The following PLAT variants were observed in gnomAD, a reference collection of about 807,000 sequenced individuals.
The protein encoded by PLAT is plasminogen activator, tissue type, also known as tissue-type plasminogen activator.
Under a neutral mutation model 74.9 loss-of-function variants are expected in PLAT, and 48 were observed. The ratio of observed to expected loss-of-function variants is 0.64; its 90% confidence interval spans 0.51 to 0.82. The LOEUF (loss-of-function observed/expected upper bound fraction) is 0.82, where lower values mean the gene tolerates loss of function less well. PLAT is among the 40% of genes least tolerant of loss of function. The pLI, the probability that PLAT is intolerant of heterozygous loss-of-function variation, is 0.00. For synonymous variants in PLAT, 307 were observed against 294.4 expected (o/e 1.04, Z -0.44); for missense variants, 673 against 736.2 (o/e 0.91, Z 0.99).
At position 42,189,014 on chromosome 8, in the gene PLAT, C is replaced by T. The variant is rs1805590323; in HGVS notation, c.173G>A (p.Arg58His). 6 of 1,613,992 alleles carry T rather than the reference C, an allele frequency of 3.7e-6. No individual in the cohort carries two copies. The highest frequency in any genetic ancestry group is 2.2e-5 in the South Asian group (2 of 91,088). Residue 58 changes from arginine (R) to histidine (H), a missense_variant, in exon 4 of 14, where the codon CGC (arginine) becomes CAC (histidine). Transcript: ENST00000220809. ...CACCCGGTTGCTTCTGAGCACAGGG[C>T]GCAGCCATGACTGATGTTGCTGGTA... is the stretch of plus-strand genomic sequence containing the variant. ...MIYQQHQSWL[R>H]PVLRSNRVEY...
At chr8:42,188,807 G>C in intron 4 of PLAT, 127 bp downstream of exon 4, 2 of 737,604 alleles carry the variant, frequency 2.7e-6, no homozygotes, top group Non-Finnish European at 4.5e-6. Context: ...ATTTTTTGTA[G>C]AGACAGGGGA....
At chr8:42,176,198 T>C (rs943997853) in intron 13 of PLAT, 47 bp from the exon 14 acceptor site, 5 of 1,517,680 alleles carry the variant, frequency 3.3e-6, no homozygotes, top group Non-Finnish European at 4.5e-6. Flanking sequence ...AAGCAGACTA[T>C]CTGGAGAAAG....
chr8:42,181,563 G>A (rs539580135), intron 9 of PLAT, among the ~76,000 whole-genome samples: 3 of 152,276 alleles, frequency 2.0e-5, no homozygotes, highest in South Asian at 2.1e-4. Context: ...CCTCCACCAC[G>A]CTGTTGGACA....
Position 42,191,379 on chromosome 8 carries a change from A to G in PLAT, c.108T>C (p.Ser36=), listed in dbSNP as rs751555853. Reference sequence around the variant, plus strand: ...CCCTCAGCTTCACCCGACCTTGGTAAGATCTGGCTCCTCTTCTGAATCGGG... The same window carrying G: ...CCCTCAGCTTCACCCGACCTTGGTAGGATCTGGCTCCTCTTCTGAATCGGG... ...IHARFRRGAR[S]YQVICRDEKT... The change falls in exon 3 of 14, where the codon TCT becomes TCC. Residue 36 remains serine (S), a synonymous_variant. Coordinates refer to ENST00000220809, the MANE Select transcript of PLAT (RefSeq NM_000930.5). 23 of 1,614,120 alleles carry G rather than the reference A, an allele frequency of 1.4e-5. No homozygotes were observed. The highest frequency in any genetic ancestry group is 1.9e-5 in the Non-Finnish European group (23 of 1,179,970).
At chr8:42,187,811 CT>C (rs1024532639) in intron 5 of PLAT, 94 bp downstream of exon 5, 1 of 927,958 alleles carries the variant, frequency 1.1e-6, no homozygotes, top group African/African-American at 1.6e-5. Flanking sequence ...GCCCCCACCC[CT>C]GGCCCTGCCA....
chr8:42,183,513 C>T (rs969723951), intron 7 of PLAT, among the ~76,000 whole-genome samples: 1 of 152,032 alleles, frequency 6.6e-6, no homozygotes, highest in South Asian at 2.1e-4. Context: ...TAACAGGCTG[C>T]AGTGAACCAA....
Position 42,176,493 on chromosome 8 carries a change from C to G in PLAT, c.1531-342G>C, listed in dbSNP as rs8178803. ...GGTGGCGTCTGTCCAGGGCTGGTCC[C>G]GCCTGGCGCCCTGAGCTGCCAGGTG... On this transcript the variant is annotated intron_variant, in intron 13 of 13. Transcript: ENST00000220809. 4.6e-5 allele frequency among the ~76,000 whole-genome samples: 7 copies of G among 152,312 alleles called. No homozygotes were observed. In the East Asian group the frequency reaches 1.3e-3, roughly 29 times the overall value.
intron 1 of PLAT, among the ~76,000 whole-genome samples, chr8:42,195,261 C>T (rs547184478): frequency 2.6e-5 from 4 of 152,128 alleles, no homozygotes; most frequent in African/African-American, 4.8e-5. Context: ...CTCCTTGCCT[C>T]GCTACATTTC....
In PLAT at chr8:42,193,487, C is replaced by T. The variant is rs13306825; in HGVS notation, c.-26-276G>A. 3.4e-4 allele frequency: 98 copies of T among 292,300 alleles called. 3 individuals are homozygous for T. In the East Asian group the frequency reaches 5.9e-3, roughly 17 times the overall value. 18.1% of individuals were successfully genotyped at this position (292,300 alleles called of 1,614,324 possible). On this transcript the variant is annotated intron_variant, in intron 1 of 13. Coordinates refer to ENST00000220809, the MANE Select transcript of PLAT (RefSeq NM_000930.5). ...TTGCTGTGCGGCCGGCCGTCACCAC[C>T]GCCCATCTCCAGAACTTCTCCATCA...
At chr8:42,182,561 T>C in intron 8 of PLAT, 158 bp downstream of exon 8, 1 of 581,472 alleles carries the variant, frequency 1.7e-6, no homozygotes, top group Non-Finnish European at 3.0e-6. Flanking sequence ...ACAATATGTG[T>C]TATTCTAGCA....
intron 13 of PLAT, among the ~76,000 whole-genome samples, chr8:42,178,277 T>C (rs1341174772): frequency 6.7e-6 from 1 of 149,594 alleles, no homozygotes; most frequent in Non-Finnish European, 1.5e-5. Context: ...TTTTTTTTTT[T>C]TTTTTTTTTT....
rs563104593 is a variant in PLAT, at chr8:42,191,489, A to G, written c.73-75T>C. 3.6e-6 allele frequency: 5 copies of G among 1,401,814 alleles called. No homozygotes were observed. In the Admixed American group the frequency reaches 5.1e-5, roughly 14 times the overall value. 86.8% of individuals were successfully genotyped at this position (1,401,814 alleles called of 1,614,324 possible). On this transcript the variant is annotated intron_variant, in intron 2 of 13. Transcript: ENST00000220809. ...TAAGAGTAAAGGCGGCCAACCCAGAAGCCCATGTGAACCTGCCGGCCAGAT... is the reference window on the plus strand; with the variant it reads ...TAAGAGTAAAGGCGGCCAACCCAGAGGCCCATGTGAACCTGCCGGCCAGAT...
Position 42,187,408 on chromosome 8 carries a change from T to C in PLAT, c.529A>G (p.Asn177Asp), listed in dbSNP as rs779576157. ...DAIRLGLGNH[N>D]YCRNPDRDSK... ...GGGATGTGCCCTCACCTGCAGTAGT[T>C]GTGGTTCCCCAGGCCCAGCCTGATG... The change falls in exon 6 of 14, where the codon AAC becomes GAC. Residue 177 changes from asparagine to aspartate, a missense_variant. Transcript: ENST00000220809. 6 of 1,583,794 alleles carry C rather than the reference T, an allele frequency of 3.8e-6. No individual in the cohort carries two copies. Among genetic ancestry groups the C allele is most frequent in the Non-Finnish European group, 5.1e-6 (6 of 1,167,794 alleles).
At chr8:42,178,264 CTTTTTTTTTTTTTTT>C (rs5891180) in intron 13 of PLAT, among the ~76,000 whole-genome samples, 1 of 110,072 alleles carries the variant, frequency 9.1e-6, no homozygotes, top group African/African-American at 3.7e-5. Context: ...ACATTTCTTT[CTTTTTTTTTTTTTTT>C]TTTTTTTTGA....
chr8:42,179,626 G>A (rs1805128976), intron 12 of PLAT, among the ~76,000 whole-genome samples: 1 of 152,196 alleles, frequency 6.6e-6, no homozygotes, highest in Non-Finnish European at 1.5e-5. Flanking sequence ...TCGGGTCTTT[G>A]TAACTCCAGC....
At chr8:42,193,029 C>G (rs1273122493) in intron 2 of PLAT, 85 bp downstream of exon 2, 2 of 923,640 alleles carry the variant, frequency 2.2e-6, no homozygotes, top group East Asian at 4.8e-5. Flanking sequence ...TTCCAACCTC[C>G]GTGGCCCAGA....
chr8:42,182,190 C>G, intron 8 of PLAT, 168 bp from the exon 9 acceptor site: 1 of 518,824 alleles, frequency 1.9e-6, no homozygotes, highest in Non-Finnish European at 3.5e-6. Flanking sequence ...CACCACCACA[C>G]CAGGCCAGGA....
At chr8:42,177,953 G>T (rs1805038081) in intron 13 of PLAT, among the ~76,000 whole-genome samples, 1 of 152,192 alleles carries the variant, frequency 6.6e-6, no homozygotes, top group African/African-American at 2.4e-5. Context: ...TTCGCACGCT[G>T]CAGGCACTGA....
chr8:42,204,339 G>T (rs2129831883), intron 1 of PLAT, among the ~76,000 whole-genome samples: 1 of 152,238 alleles, frequency 6.6e-6, no homozygotes, highest in South Asian at 2.1e-4. Flanking sequence ...GAATGCACTG[G>T]TCCCTTATTG....
Sources: allele counts gnomAD v4.1 joint callset (sites outside exome capture counted in the v4.1 genomes callset), GRCh38; gene constraint gnomAD v4.1.1; transcripts MANE v1.5; gene names NCBI Gene and HGNC (gene_info 2026-07-23, HGNC 2026-07-21).